RUNX3: variants seen among roughly 807,000 people sequenced by gnomAD.
RUNX3 encodes RUNX family transcription factor 3, also known as runt-related transcription factor 3.
RUNX3 carries 10 observed loss-of-function variants against 27.7 expected under a neutral mutation model. The observed-to-expected ratio is 0.36, with a 90% CI of 0.22 to 0.61. RUNX3 has a LOEUF of 0.61. Among genes scored for constraint, RUNX3 ranks in the 20% least tolerant of loss-of-function variants. The probability of loss-of-function intolerance (pLI) is 0.72; values close to 1 mark genes in which losing one functional copy is unlikely to be tolerated. For missense variants in RUNX3, 469 were observed against 629.5 expected (o/e 0.75, Z 2.73); for synonymous variants, 270 against 269.2 (o/e 1.00, Z -0.03).
chr1:24,959,726 C>T (rs980507717), intron 2 of RUNX3, among the ~76,000 whole-genome samples: 1 of 152,172 alleles, frequency 6.6e-6, no homozygotes, highest in Non-Finnish European at 1.5e-5. Flanking sequence ...CAGACCATCT[C>T]GGCCAGACCT....
Position 24,943,699 on chromosome 1 carries a change from G to T in RUNX3, c.59-13847C>A, listed in dbSNP as rs1641536376. On this transcript the variant is annotated intron_variant, in intron 2 of 6. Coordinates refer to the RUNX3 transcript ENST00000338888. This position sits in a 1 kb window ranked among gnomAD's most constrained non-coding sequence, Gnocchi z 4.6. The stretch of plus-strand genomic sequence containing the variant: ...GTGCTGGGGCCCAGGGGAGTCCAAA[G>T]TCAGGACTCATTCTTCCCCCAGGTC... 6.6e-6 allele frequency among the ~76,000 whole-genome samples: 1 copy of T among 152,214 alleles called. No homozygotes were observed.
At chr1:24,924,734 A>AC (rs2124295941) in intron 2 of RUNX3, among the ~76,000 whole-genome samples, 1 of 152,312 alleles carries the variant, frequency 6.6e-6, no homozygotes, top group African/African-American at 2.4e-5. Flanking sequence ...GGAATAACAT[A>AC]GTTTGCAACT....
intron 4 of RUNX3, among the ~76,000 whole-genome samples, chr1:24,905,080 A>G (rs1307559986): frequency 6.6e-6 from 1 of 152,110 alleles, no homozygotes. Context: ...GGGTCTCTGC[A>G]CTGCTTGCCA....
At position 24,927,074 on chromosome 1, in the gene RUNX3, T is replaced by C. The variant is rs1641113065; in HGVS notation, c.439+500A>G. Reference sequence around the variant, plus strand: ...GCGTTAGCTTCCGTTCTAGACCACCTAGGGCTCAAAGGCGCTGGGAAACTG... The same window carrying C: ...GCGTTAGCTTCCGTTCTAGACCACCCAGGGCTCAAAGGCGCTGGGAAACTG... On this transcript the variant is annotated intron_variant, in intron 2 of 4. Coordinates refer to ENST00000308873, the MANE Select transcript of RUNX3 (RefSeq NM_004350.3). The surrounding 1 kb of genome is among the most constrained non-coding windows in gnomAD (Gnocchi z 5.0). 6.6e-6 allele frequency among the ~76,000 whole-genome samples: 1 copy of C among 152,172 alleles called. No homozygotes were observed. Among genetic ancestry groups the C allele is most frequent in the African/African-American group, 2.4e-5 (1 of 41,438 alleles).
intron 2 of RUNX3, among the ~76,000 whole-genome samples, chr1:24,942,668 C>T (rs1641506591): frequency 6.6e-6 from 1 of 152,196 alleles, no homozygotes; most frequent in Non-Finnish European, 1.5e-5. Flanking sequence ...TGCTAGTATC[C>T]CCAGTTCCTA....
chr1:24,938,026 G>A (rs1440701058), intron 2 of RUNX3, among the ~76,000 whole-genome samples: 1 of 152,220 alleles, frequency 6.6e-6, no homozygotes, highest in Non-Finnish European at 1.5e-5. Context: ...TGGTTGGGAA[G>A]CAGTTGGATC....
chr1:24,930,748 G>C (rs533757946), upstream of RUNX3, among the ~76,000 whole-genome samples: 4 of 152,342 alleles, frequency 2.6e-5, no homozygotes, highest in South Asian at 2.1e-4. The surrounding 1 kb of genome is among the most constrained non-coding windows in gnomAD (Gnocchi z 4.1). Context: ...GCCCCAAAGA[G>C]GTTACTCACC....
At position 24,935,921 on chromosome 1, in the gene RUNX3, A is replaced by G. The variant is rs116862759; in HGVS notation, c.59-6069T>C. ...GGGCCTCAGAATCTGAGAAGTTCAA[A>G]CAGGTTCTCAGGAGCCCTTCCAGCA... is the stretch of plus-strand genomic sequence containing the variant. On this transcript the variant is annotated intron_variant, in intron 2 of 6. Transcript: ENST00000338888. Among the ~76,000 whole-genome samples, 75 of 152,332 alleles carry G rather than the reference A, an allele frequency of 4.9e-4. 1 individual carries two copies. The East Asian group carries it at 0.012, about 24-fold the overall frequency.
chr1:24,904,136 T>C lies in RUNX3; in HGVS notation c.704-1470A>G, dbSNP rs1440314997. 6.6e-6 allele frequency among the ~76,000 whole-genome samples: 1 copy of C among 151,988 alleles called. No homozygotes were observed. Among genetic ancestry groups the C allele is most frequent in the East Asian group, 1.9e-4 (1 of 5,164 alleles). On this transcript the variant is annotated intron_variant, in intron 4 of 4. Coordinates refer to ENST00000308873, the MANE Select transcript of RUNX3 (RefSeq NM_004350.3). The surrounding 1 kb of genome is among the most constrained non-coding windows in gnomAD (Gnocchi z 5.7). The stretch of plus-strand genomic sequence containing the variant: ...CCCCAGCAGTGGTCCAGAGGTGCAG[T>C]CTGTCCAGCCCAGCAACCCCTCTGT...
intron 4 of RUNX3, among the ~76,000 whole-genome samples, chr1:24,906,018 C>T (rs1186658490): frequency 1.3e-5 from 2 of 152,238 alleles, no homozygotes; most frequent in Non-Finnish European, 2.9e-5. Flanking sequence ...AGGACCAAGG[C>T]CAAAAGTCCT....
intron 2 of RUNX3, among the ~76,000 whole-genome samples, chr1:24,948,504 G>A (rs1469015306): frequency 6.6e-6 from 1 of 152,152 alleles, no homozygotes; most frequent in East Asian, 1.9e-4. Flanking sequence ...CTCAGATGGT[G>A]CTGGTCTGAC....
In RUNX3 at chr1:24,927,750, G is replaced by T. The variant is rs1297265748; in HGVS notation, c.283-20C>A. 1.2e-6 allele frequency: 2 copies of T among 1,612,822 alleles called. No individual in the cohort carries two copies. Among genetic ancestry groups the T allele is most frequent in the Non-Finnish European group, 1.7e-6 (2 of 1,179,178 alleles). On this transcript the variant is annotated intron_variant, in intron 1 of 4. Transcript: ENST00000308873. This position sits in a 1 kb window ranked among gnomAD's most constrained non-coding sequence, Gnocchi z 5.0. ...CACCACCTGAAGACACGGGGCGGGG[G>T]GATGCAGGGGGACAGCTTAGAAAGG...
chr1:24,918,468 C>T (rs1187001353), intron 3 of RUNX3, among the ~76,000 whole-genome samples: 2 of 152,196 alleles, frequency 1.3e-5, no homozygotes, highest in African/African-American at 4.8e-5. Context: ...CAAAGGGTCA[C>T]ATTTCTGAGA....
intron 2 of RUNX3, among the ~76,000 whole-genome samples, chr1:24,951,858 T>G (rs1472182011): frequency 6.6e-6 from 1 of 152,150 alleles, no homozygotes; most frequent in Non-Finnish European, 1.5e-5. Flanking sequence ...TATAGGGTTG[T>G]GAGGATTAAA....
chr1:24,932,071 A>G (rs962091400), upstream of RUNX3, among the ~76,000 whole-genome samples: 31 of 152,190 alleles, frequency 2.0e-4, no homozygotes, highest in African/African-American at 6.5e-4. Context: ...GCCCTCGAGC[A>G]GGTTGCGGGA....
Position 24,907,959 on chromosome 1 carries a change from CACACGCGGTGATCTAAACCTCTACA to C in RUNX3, c.545-567_545-543del, listed in dbSNP as rs1557837062. On this transcript the variant is annotated intron_variant, in intron 3 of 4. Coordinates refer to ENST00000308873, the MANE Select transcript of RUNX3 (RefSeq NM_004350.3). The stretch of plus-strand genomic sequence containing the variant: ...AACACGCGGTGATCTAAACCTCAAC[CACACGCGGTGATCTAAACCTCTACA>C]ACACGCGGTGATCTAAACCTCTACA... Among the ~76,000 whole-genome samples the C allele has an allele frequency of 1.1e-4, 14 of 123,332 alleles. No individual in the cohort carries two copies. The East Asian group carries it at 1.5e-3, about 13-fold the overall frequency. The allele number at this position is 123,332 out of a possible 152,430, so 80.9% of individuals were successfully genotyped here.
rs573389125 is a variant in RUNX3 at position 24,902,248 on chromosome 1, G to A, written c.1122C>T (p.Gly374=). The A allele has an allele frequency of 5.9e-4, 929 of 1,582,372 alleles. 20 individuals are homozygous for A. The South Asian group carries it at 9.6e-3, about 16-fold the overall frequency. ...CGCCCAGGCTGGGGTTCATGAGGTT[G>A]CCGGCGGCGACAGAGGCAGCGCTGC... ...CTSSAASVAA[G]NLMNPSLGGQ... Residue 374 remains glycine (G), a synonymous_variant, in exon 5 of 5, where the codon GGC becomes GGT. Coordinates refer to ENST00000308873, the MANE Select transcript of RUNX3 (RefSeq NM_004350.3). This position sits in a 1 kb window ranked among gnomAD's most constrained non-coding sequence, Gnocchi z 9.2.
At chr1:24,964,762 A>T in intron 1 of RUNX3, 1 of 1,399,148 alleles carries the variant, frequency 7.1e-7, no homozygotes, top group Non-Finnish European at 9.4e-7. Context: ...AAAAGAAAAA[A>T]GGAAAGAACG....
At chr1:24,939,686 G>C (rs1305075764) in intron 2 of RUNX3, among the ~76,000 whole-genome samples, 1 of 152,252 alleles carries the variant, frequency 6.6e-6, no homozygotes, top group African/African-American at 2.4e-5. Context: ...TTTCTGGGTG[G>C]TTTGCCCCCC....
Sources: allele counts gnomAD v4.1 joint callset (sites outside exome capture counted in the v4.1 genomes callset), GRCh38; gene constraint gnomAD v4.1.1; non-coding constraint Gnocchi (gnomAD v3.1); transcripts MANE v1.5; gene names NCBI Gene and HGNC (gene_info 2026-07-23, HGNC 2026-07-21).